Variants in RAPGEF4 observed in about 807,000 individuals in gnomAD.
RAPGEF4 encodes Rap guanine nucleotide exchange factor 4.
In RAPGEF4, 66 loss-of-function variants were observed where a neutral mutation model predicts 147.9. That is an observed-to-expected ratio of 0.45 (90% confidence interval 0.37 to 0.55). The LOEUF (loss-of-function observed/expected upper bound fraction) is 0.55. Ranked by LOEUF, RAPGEF4 falls within the 20% of genes least tolerant of loss-of-function variation. The pLI, the probability that RAPGEF4 is intolerant of heterozygous loss-of-function variation, is 0.00. For synonymous variants in RAPGEF4, 419 were observed against 442.7 expected, an observed-to-expected ratio of 0.95 and a Z score of 0.67; for missense variants, 1,071 against 1,257.3, an observed-to-expected ratio of 0.85 and a Z score of 2.24.
intron 4 of RAPGEF4, chr2:172,821,576 C>T (rs1333551055): frequency 1.0e-6 from 1 of 989,466 alleles, no homozygotes; most frequent in Non-Finnish European, 1.2e-6. Flanking sequence ...TCTCTCCTCA[C>T]AGTTCTGATT....
At chr2:172,779,095 G>A (rs1418293770) in intron 1 of RAPGEF4, among the ~76,000 whole-genome samples, 1 of 152,000 alleles carries the variant, frequency 6.6e-6, no homozygotes, top group African/African-American at 2.4e-5. Flanking sequence ...ATTTATTTCA[G>A]CAATGTTTAT....
intron 3 of RAPGEF4, among the ~76,000 whole-genome samples, chr2:172,806,724 T>C (rs1458864518): frequency 6.6e-6 from 1 of 152,216 alleles, no homozygotes; most frequent in Non-Finnish European, 1.5e-5. Context: ...GCCTTGGTCA[T>C]CACTTAATTT....
chr2:172,899,052 C>T (rs534556769), intron 4 of RAPGEF4, among the ~76,000 whole-genome samples: 1 of 152,290 alleles, frequency 6.6e-6, no homozygotes, highest in African/African-American at 2.4e-5. Context: ...ATTTTTAAAA[C>T]ACCAAGCATT....
intron 4 of RAPGEF4, among the ~76,000 whole-genome samples, chr2:172,817,226 G>T (rs17704976): frequency 0.015 from 2,270 of 152,198 alleles, 18 homozygotes; most frequent in South Asian, 0.033. Flanking sequence ...CAGGCTAGGG[G>T]CTTCTATTCC....
At chr2:172,893,261 G>A (rs1698128335) in intron 4 of RAPGEF4, among the ~76,000 whole-genome samples, 1 of 152,216 alleles carries the variant, frequency 6.6e-6, no homozygotes, top group Admixed American at 6.5e-5. Flanking sequence ...TTAGATGAGA[G>A]GATGCCTGGG....
intron 4 of RAPGEF4, among the ~76,000 whole-genome samples, chr2:172,883,100 TAA>T (rs111984096): frequency 6.7e-6 from 1 of 148,594 alleles, no homozygotes; most frequent in Non-Finnish European, 1.5e-5. Context: ...TAATATGTGT[TAA>T]AAAAAAAAAG....
chr2:172,882,197 A>G (rs146786935), intron 4 of RAPGEF4, among the ~76,000 whole-genome samples: 17 of 152,270 alleles, frequency 1.1e-4, no homozygotes, highest in Middle Eastern at 3.4e-3. Flanking sequence ...TTAGTTAGTA[A>G]ACTTTTACTC....
intron 17 of RAPGEF4, among the ~76,000 whole-genome samples, chr2:173,007,695 A>T (rs902671627): frequency 2.6e-5 from 4 of 152,200 alleles, no homozygotes; most frequent in Admixed American, 6.5e-5. Flanking sequence ...TTTTTATATA[A>T]GTAGGGAAGC....
Position 172,983,578 on chromosome 2 carries a change from A to T in RAPGEF4, c.1087A>T (p.Thr363Ser). The T allele has an allele frequency of 6.2e-7, 1 of 1,613,316 alleles. No homozygotes were observed. The highest frequency in any genetic ancestry group is 1.7e-5 in the Admixed American group (1 of 59,842). The change falls in exon 11 of 31, where the codon ACA becomes TCA. Residue 363 changes from threonine to serine, a missense_variant and splice_region_variant. Coordinates refer to ENST00000397081, the MANE Select transcript of RAPGEF4 (RefSeq NM_007023.4). ...HIKALSHLST[T>S]VKRELAGVLI... is the part of the protein sequence containing the mutation. ...TAAAGCCTTATCCCATCTTTCTACC[A>T]CAGTAAGTTGTCTCTTAGTTTAGCA...
intron 4 of RAPGEF4, among the ~76,000 whole-genome samples, chr2:172,892,965 C>A (rs746464049): frequency 7.9e-5 from 12 of 152,094 alleles, no homozygotes; most frequent in African/African-American, 2.7e-4. Flanking sequence ...AAGAGAAAAT[C>A]AAAAAATTAG....
chr2:172,815,363 A>G (rs1688399383), intron 4 of RAPGEF4, among the ~76,000 whole-genome samples: 1 of 152,242 alleles, frequency 6.6e-6, no homozygotes. Flanking sequence ...AAGTCATGCA[A>G]AGCCTTGGAA....
At chr2:172,933,278 A>G (rs1236122840) in intron 6 of RAPGEF4, among the ~76,000 whole-genome samples, 1 of 152,046 alleles carries the variant, frequency 6.6e-6, no homozygotes, top group Admixed American at 6.6e-5. Context: ...TGCATTCTAG[A>G]TGGATTTTGG....
intron 1 of RAPGEF4, among the ~76,000 whole-genome samples, chr2:172,781,117 A>G (rs1684640389): frequency 6.6e-6 from 1 of 152,254 alleles, no homozygotes; most frequent in Admixed American, 6.5e-5. Context: ...ATTGTTAAAT[A>G]AAAGTTATTT....
In RAPGEF4 at chr2:173,014,581, G is replaced by A; in HGVS notation, c.1776G>A (p.Leu592=). ...GGGCTGCCATGTATGGAGACCTCCT[G>A]CAAGAGGATGACGTGTCTATGGCCT... ...LQWAAMYGDL[L]QEDDVSMAFL... is the part of the protein sequence containing the mutation. The change falls in exon 18 of 31, where the codon CTG becomes CTA. Residue 592 remains leucine, a synonymous_variant. Coordinates refer to ENST00000397081, the MANE Select transcript of RAPGEF4 (RefSeq NM_007023.4). The A allele has an allele frequency of 6.2e-7, 1 of 1,614,048 alleles. No homozygotes were observed.
intron 4 of RAPGEF4, among the ~76,000 whole-genome samples, chr2:172,843,922 T>C (rs1401801114): frequency 6.6e-6 from 1 of 152,230 alleles, no homozygotes; most frequent in Admixed American, 6.5e-5. Context: ...AGTAGATCTG[T>C]TTCTGACACC....
At chr2:172,867,694 A>G (rs1694797477) in intron 4 of RAPGEF4, among the ~76,000 whole-genome samples, 1 of 152,232 alleles carries the variant, frequency 6.6e-6, no homozygotes. Flanking sequence ...ATTCATAATT[A>G]AAATGTGGTG....
At chr2:172,940,600 T>C (rs1687051003) in intron 6 of RAPGEF4, among the ~76,000 whole-genome samples, 1 of 152,182 alleles carries the variant, frequency 6.6e-6, no homozygotes, top group African/African-American at 2.4e-5. Flanking sequence ...ATGTTTCCTG[T>C]ACAGCCTTCA....
rs373258707 is a variant in RAPGEF4 at position 172,936,484 on chromosome 2, T to G, written c.537+14184T>G. On this transcript the variant is annotated intron_variant, in intron 6 of 30. Coordinates refer to ENST00000397081, the MANE Select transcript of RAPGEF4 (RefSeq NM_007023.4). ...TTTAGTTTACACTGTATATATAGTT[T>G]CATATTCTTCCTTTTTCAATTAAAT... is the stretch of plus-strand genomic sequence containing the variant. Among the ~76,000 whole-genome samples the G allele has an allele frequency of 9.2e-5, 14 of 152,316 alleles. 1 individual carries two copies. Among genetic ancestry groups the G allele is most frequent in the African/African-American group, 3.4e-4 (14 of 41,568 alleles).
At chr2:173,016,636 G>C (rs1695535690) in intron 19 of RAPGEF4, among the ~76,000 whole-genome samples, 199 bp downstream of exon 19, 2 of 152,230 alleles carry the variant, frequency 1.3e-5, no homozygotes, top group Non-Finnish European at 2.9e-5. Flanking sequence ...TTCTGTGCTA[G>C]AGGGCTGCCA....
Sources: gnomAD v4.1 joint callset for allele counts (sites outside exome capture counted in the v4.1 genomes callset) on GRCh38, gnomAD v4.1.1 for gene constraint, MANE v1.5 for transcripts, NCBI Gene and HGNC (gene_info 2026-07-23, HGNC 2026-07-21) for gene names.